PRKD1: variants seen among roughly 807,000 people sequenced by gnomAD.
PRKD1 encodes the protein serine/threonine-protein kinase D1.
PRKD1 carries 63 observed loss-of-function variants against 95.9 expected under a neutral mutation model. That is an observed-to-expected ratio of 0.66 (90% confidence interval 0.54 to 0.81). The LOEUF is 0.81. Among genes scored for constraint, PRKD1 ranks in the 30% least tolerant of loss-of-function variants. The pLI, the probability that PRKD1 is intolerant of heterozygous loss-of-function variation, is 0.00. For synonymous variants in PRKD1, 425 were observed against 423.1 expected (o/e 1.00, Z -0.05); for missense variants, 1,048 against 1,165.3 (o/e 0.90, Z 1.47).
chr14:29,814,010 T>C (rs1336766523), intron 1 of PRKD1, among the ~76,000 whole-genome samples: 1 of 152,316 alleles, frequency 6.6e-6, no homozygotes, highest in East Asian at 1.9e-4. Flanking sequence ...TTCATTTACT[T>C]TGGGTAATTA....
chr14:29,770,952 GGAAA>G (rs958711254), intron 1 of PRKD1, among the ~76,000 whole-genome samples: 17 of 133,196 alleles, frequency 1.3e-4, no homozygotes, highest in East Asian at 4.2e-4. Flanking sequence ...AAAAAAAAAA[GGAAA>G]GAAAGAAAGA....
At chr14:29,645,015 CA>C (rs1304264905) in intron 4 of PRKD1, among the ~76,000 whole-genome samples, 3 of 152,158 alleles carry the variant, frequency 2.0e-5, no homozygotes, top group African/African-American at 4.8e-5. Context: ...TTCCCAAGAT[CA>C]CACAACTTGT....
intron 1 of PRKD1, among the ~76,000 whole-genome samples, chr14:29,893,214 C>A (rs990881952): frequency 6.6e-6 from 1 of 151,874 alleles, no homozygotes; most frequent in Non-Finnish European, 1.5e-5. Flanking sequence ...AATTTCATTA[C>A]AACAAAAATT....
At chr14:29,731,488 T>G (rs1187898466) in intron 1 of PRKD1, among the ~76,000 whole-genome samples, 2 of 152,230 alleles carry the variant, frequency 1.3e-5, no homozygotes, top group Admixed American at 6.5e-5. Context: ...TTCTATTTGC[T>G]TAATAATTTT....
At chr14:29,861,841 ATGGG>A (rs1892721416) in intron 1 of PRKD1, among the ~76,000 whole-genome samples, 1 of 152,062 alleles carries the variant, frequency 6.6e-6, no homozygotes, top group Non-Finnish European at 1.5e-5. Flanking sequence ...TTTAGTAGAG[ATGGG>A]ATTTCACCAT....
chr14:29,879,732 T>C (rs1893435278), intron 1 of PRKD1, among the ~76,000 whole-genome samples: 1 of 152,056 alleles, frequency 6.6e-6, no homozygotes, highest in Non-Finnish European at 1.5e-5. Flanking sequence ...AAAACACTGA[T>C]AGTGATAGGA....
At chr14:29,667,511 C>A (rs1882591274) in intron 2 of PRKD1, among the ~76,000 whole-genome samples, 1 of 152,106 alleles carries the variant, frequency 6.6e-6, no homozygotes, top group Admixed American at 6.6e-5. Context: ...AATGCTTAAT[C>A]CAAGTAGATC....
Position 29,578,320 on chromosome 14 carries a change from T to C in PRKD1, c.2475A>G (p.Arg825=), listed in dbSNP as rs1892633717. The part of the protein sequence containing the change: ...LINNLLQVKM[R]KRYSVDKTLS... ...AGGTCTTATCCACACTGTAGCGCTT[T>C]CTCATTTTTACTTGCAGCAAATTGT... is the stretch of plus-strand genomic sequence containing the variant. Residue 825 remains arginine, a synonymous_variant, in exon 17 of 18, where the codon AGA becomes AGG. Coordinates refer to ENST00000331968, the MANE Select transcript of PRKD1 (RefSeq NM_002742.3). The C allele has an allele frequency of 6.2e-7, 1 of 1,610,922 alleles. No homozygotes were observed. The highest frequency in any genetic ancestry group is 8.5e-7 in the Non-Finnish European group (1 of 1,178,756).
intron 1 of PRKD1, among the ~76,000 whole-genome samples, chr14:29,799,484 T>A (rs1033749683): frequency 6.6e-6 from 1 of 152,248 alleles, no homozygotes; most frequent in Admixed American, 6.5e-5. Flanking sequence ...TTGTTATTTA[T>A]AGCACAGATT....
chr14:29,808,431 C>CTTTTTT (rs1566612806), intron 1 of PRKD1, among the ~76,000 whole-genome samples: 11 of 65,764 alleles, frequency 1.7e-4, no homozygotes, highest in Admixed American at 2.3e-4. Context: ...GGGAGTTTTG[C>CTTTTTT]TCTTGTCGCC....
At chr14:29,799,821 C>T (rs553914520) in intron 1 of PRKD1, among the ~76,000 whole-genome samples, 3 of 152,334 alleles carry the variant, frequency 2.0e-5, no homozygotes, top group South Asian at 2.1e-4. Context: ...AAATGAACTA[C>T]CCAATGTACA....
chr14:29,611,010 T>C (rs1254512653), intron 13 of PRKD1, among the ~76,000 whole-genome samples: 2 of 152,194 alleles, frequency 1.3e-5, no homozygotes, highest in African/African-American at 4.8e-5. Context: ...TAGTTGAACA[T>C]GTGAAGCACA....
intron 1 of PRKD1, among the ~76,000 whole-genome samples, chr14:29,893,402 T>C (rs1167775436): frequency 3.7e-5 from 2 of 53,706 alleles, no homozygotes; most frequent in Non-Finnish European, 7.3e-5. Flanking sequence ...AGAAAGAGGT[T>C]TTTTTTTGGT....
chr14:29,891,322 C>T (rs966293272), intron 1 of PRKD1, among the ~76,000 whole-genome samples: 2 of 152,062 alleles, frequency 1.3e-5, no homozygotes, highest in African/African-American at 2.4e-5. Flanking sequence ...TTTTCAGAAC[C>T]ACCATGAATG....
At chr14:29,923,810 GAAAAAAAAAA>G (rs768450153) in intron 1 of PRKD1, among the ~76,000 whole-genome samples, 20 of 99,990 alleles carry the variant, frequency 2.0e-4, no homozygotes, top group African/African-American at 7.2e-4. Flanking sequence ...CTCATTTGAG[GAAAAAAAAAA>G]AAAAAAAAAA....
At chr14:29,597,437 T>C in intron 16 of PRKD1, 54 bp downstream of exon 16, 2 of 1,429,772 alleles carry the variant, frequency 1.4e-6, no homozygotes, top group African/African-American at 1.4e-5. Context: ...TTTAAATTAA[T>C]AACATAAACA....
intron 1 of PRKD1, among the ~76,000 whole-genome samples, chr14:29,829,860 A>G (rs1387147423): frequency 3.3e-5 from 5 of 152,218 alleles, no homozygotes; most frequent in African/African-American, 1.2e-4. Context: ...GGGAAAATAA[A>G]CAAAACACAA....
chr14:29,774,602 T>C (rs1487427709), intron 1 of PRKD1, among the ~76,000 whole-genome samples: 1 of 152,206 alleles, frequency 6.6e-6, no homozygotes, highest in Non-Finnish European at 1.5e-5. Context: ...AGTTATTAAG[T>C]GGTGGAACTG....
chr14:29,920,133 GAGA>G lies in PRKD1; in HGVS notation c.264+7113_264+7115del, dbSNP rs376194877. Among the ~76,000 whole-genome samples the G allele has an allele frequency of 2.4e-3, 367 of 151,664 alleles. 2 individuals are homozygous for G. Among genetic ancestry groups the G allele is most frequent in the Non-Finnish European group, 3.8e-3 (257 of 67,866 alleles). ...GAAAGGGGAGAAAGAAAAGAAAAGA[GAGA>G]AGAAAAGAAAAGGAAGGAAGGAAAC... On this transcript the variant is annotated intron_variant, in intron 1 of 17. Coordinates refer to ENST00000331968, the MANE Select transcript of PRKD1 (RefSeq NM_002742.3).
Sources: allele counts gnomAD v4.1 joint callset (sites outside exome capture counted in the v4.1 genomes callset), GRCh38; gene constraint gnomAD v4.1.1; transcripts MANE v1.5; gene names NCBI Gene and HGNC (gene_info 2026-07-23, HGNC 2026-07-21).